Variants in POU4F1 observed in about 807,000 individuals in gnomAD.
The protein encoded by POU4F1 is POU class 4 homeobox 1, also known as POU domain, class 4, transcription factor 1.
Under a neutral mutation model 19.8 loss-of-function variants are expected in POU4F1, and 5 were observed. That is an observed-to-expected ratio of 0.25 (90% confidence interval 0.13 to 0.53). POU4F1 has a LOEUF of 0.53. Ranked by LOEUF, POU4F1 falls within the 20% of genes least tolerant of loss-of-function variation. The pLI is 0.96. For synonymous variants in POU4F1, 266 were observed against 247.7 expected, an observed-to-expected ratio of 1.07 and a Z score of -0.69; for missense variants, 408 against 511.6, an observed-to-expected ratio of 0.80 and a Z score of 1.95.
chr13:78,602,348 C>A lies in POU4F1; in HGVS notation c.327G>T (p.Gln109His). 1 of 1,457,258 alleles carries A rather than the reference C, an allele frequency of 6.9e-7. No individual in the cohort carries two copies. The highest frequency in any genetic ancestry group is 1.3e-5 in the South Asian group (1 of 75,014). The allele number at this position is 1,457,258 out of a possible 1,614,324, so 90.3% of individuals were successfully genotyped here. A position where few individuals can be genotyped will look rare whatever the true frequency, so the allele number is the denominator to read the frequency against. Reference protein sequence around the residue: ...AHHHHHHHHHQALEPGDLLDH... With the variant: ...AHHHHHHHHHHALEPGDLLDH... The stretch of plus-strand genomic sequence containing the variant: ...CCAGCAGATCGCCGGGTTCGAGCGC[C>A]TGGTGGTGGTGGTGGTGGTGGTGGT... Residue 109 changes from glutamine (Q) to histidine (H), a missense_variant, in exon 2 of 2, where the codon CAG (glutamine) becomes CAT (histidine). This residue lies in a region of POU4F1 where 294 missense variants were observed against 288.2 expected (regional missense o/e 1.02). Transcript: ENST00000377208.
intron 1 of POU4F1, 88 bp downstream of exon 1, chr13:78,603,116 C>A: frequency 4.6e-6 from 5 of 1,087,494 alleles, no homozygotes; most frequent in South Asian, 2.2e-5. Context: ...CGCACCGGGA[C>A]CTGCACACAC....
rs570767813 is a variant in POU4F1 at position 78,602,297 on chromosome 13, C to T, written c.378G>A (p.Ala126=). 7.6e-5 allele frequency: 95 copies of T among 1,243,528 alleles called. 1 individual carries two copies. The highest frequency in any genetic ancestry group is 7.6e-4 in the Middle Eastern group (3 of 3,934). 77.0% of individuals were successfully genotyped at this position (1,243,528 alleles called of 1,614,324 possible). Residue 126 remains alanine (A), a synonymous_variant, in exon 2 of 2, where the codon GCG becomes GCA. Transcript: ENST00000377208. ...CCGCGCCGCCCGCGCCGGCCATGAG[C>T]GCGAGCGACGGCGAGGAGATGTGGT... ...LLDHISSPSL[A]LMAGAGGAGA...
chr13:78,603,170 G>A, intron 1 of POU4F1, 34 bp downstream of exon 1: 1 of 1,330,228 alleles, frequency 7.5e-7, no homozygotes, highest in Non-Finnish European at 9.7e-7. Context: ...AGGGGCGGGC[G>A]CGCGGGCCGG....
rs1874599023 is a variant in POU4F1 at position 78,599,124 on chromosome 13, C to G, written c.*2291G>C. On this transcript the variant is annotated 3_prime_UTR_variant, in exon 2 of 2. Coordinates refer to ENST00000377208, the MANE Select transcript of POU4F1 (RefSeq NM_006237.4). ...TTGGTTGTTTGTTGAAAGGTTCTAC[C>G]AGGACCTGGCCCAGTATAAACACAA... is the stretch of plus-strand genomic sequence containing the variant. 1 of 152,358 alleles carries G rather than the reference C, an allele frequency of 6.6e-6. No homozygotes were observed. Among genetic ancestry groups the G allele is most frequent in the Non-Finnish European group, 1.5e-5 (1 of 68,030 alleles). The allele number at this position is 152,358 out of a possible 1,614,324, so 9.4% of individuals were successfully genotyped here.
chr13:78,603,304 TG>T lies in POU4F1; in HGVS notation c.22del (p.Gln8SerfsTer78). The T allele has an allele frequency of 6.3e-7, 1 of 1,580,960 alleles. No individual in the cohort carries two copies. Among genetic ancestry groups the T allele is most frequent in the African/African-American group, 1.4e-5 (1 of 71,186 alleles). ...GGTGGGATGCATGGCAAAGTGAGGC[TG>T]CTTGCTGTTCATGGACATCATCGTG... Reference protein sequence around the residue: MMSMNSKQPHFAMHPTLP... With the variant: MMSMNSKXPHFAMHPTLP... On this transcript the variant is annotated frameshift_variant, in exon 1 of 2. Coordinates refer to ENST00000377208, the MANE Select transcript of POU4F1 (RefSeq NM_006237.4). LOFTEE classifies it high-confidence loss of function.
chr13:78,603,160 AG>A, intron 1 of POU4F1, 43 bp downstream of exon 1: 12 of 1,300,040 alleles, frequency 9.2e-6, no homozygotes, highest in Non-Finnish European at 1.2e-5. Flanking sequence ...GGAGACGGGG[AG>A]GGGCGGGCGC....
intron 1 of POU4F1, among the ~76,000 whole-genome samples, 172 bp from the exon 2 acceptor site, chr13:78,602,723 G>C (rs1331453696): frequency 6.9e-6 from 1 of 145,500 alleles, no homozygotes; most frequent in East Asian, 2.1e-4. Context: ...ACGGAGAGGG[G>C]GCACATTGAC....
At position 78,601,060 on chromosome 13, in the gene POU4F1, T is replaced by A; in HGVS notation, c.*355A>T. On this transcript the variant is annotated 3_prime_UTR_variant, in exon 2 of 2. Transcript: ENST00000377208. ...TGTCTCTGGTCAGAAACAGTCCATT[T>A]TCCTACCCTTCCCGCGTCTCCCCCC... The A allele has an allele frequency of 3.2e-6, 1 of 311,852 alleles. No homozygotes were observed. Among genetic ancestry groups the A allele is most frequent in the South Asian group, 4.3e-5 (1 of 23,020 alleles). 19.3% of individuals were successfully genotyped at this position (311,852 alleles called of 1,614,324 possible). A position where few individuals can be genotyped will look rare whatever the true frequency, so the allele number is the denominator to read the frequency against.
Position 78,602,030 on chromosome 13 carries a change from C to A in POU4F1, c.645G>T (p.Pro215=), listed in dbSNP as rs1874719736. Residue 215 remains proline (P), a synonymous_variant, in exon 2 of 2, where the codon CCG becomes CCT. Coordinates refer to ENST00000377208, the MANE Select transcript of POU4F1 (RefSeq NM_006237.4). The stretch of plus-strand genomic sequence containing the variant: ...CCGCCGCCGCCACCAGCCCGGGGTG[C>A]GGCAGCCCGGACGGCATGTTCATGG... ...AAAMNMPSGL[P]HPGLVAAAAH... 2 of 710,266 alleles carry A rather than the reference C, an allele frequency of 2.8e-6. No individual in the cohort carries two copies. The highest frequency in any genetic ancestry group is 6.0e-5 in the South Asian group (1 of 16,560). The allele number at this position is 710,266 out of a possible 1,614,324, so 44.0% of individuals were successfully genotyped here.
At position 78,601,679 on chromosome 13, in the gene POU4F1, C is replaced by A. The variant is rs1185987234; in HGVS notation, c.996G>T (p.Trp332Cys). 1 of 1,613,912 alleles carries A rather than the reference C, an allele frequency of 6.2e-7. No individual in the cohort carries two copies. The highest frequency in any genetic ancestry group is 8.5e-7 in the Non-Finnish European group (1 of 1,179,952). The change falls in exon 2 of 2, where the codon TGG becomes TGT. Residue 332 changes from tryptophan to cysteine, a missense_variant. Transcript: ENST00000377208. ...MIALKPILQA[W>C]LEEAEGAQRE... ...GCTGGGCGCCCTCGGCCTCCTCGAG[C>A]CACGCCTGCAGGATGGGCTTGAGCG...
At chr13:78,602,582 C>G in intron 1 of POU4F1, 31 bp from the exon 2 acceptor site, 1 of 1,405,182 alleles carries the variant, frequency 7.1e-7, no homozygotes. Context: ...ACCAAAAAAA[C>G]CACAAAACCA....
At position 78,603,458 on chromosome 13, in the gene POU4F1, G is replaced by GGCTGCT. The variant is rs1029794341; in HGVS notation, c.-138_-133dup. ...GGCGGCTGGCGGCGGCCCCGCCGCG[G>GGCTGCT]GCTGCTGCTGCTGCTCCTGCTGCTG... On this transcript the variant is annotated 5_prime_UTR_variant, in exon 1 of 2. Coordinates refer to ENST00000377208, the MANE Select transcript of POU4F1 (RefSeq NM_006237.4). 3.1e-6 allele frequency: 4 copies of GGCTGCT among 1,284,700 alleles called. No homozygotes were observed. The highest frequency in any genetic ancestry group is 3.9e-6 in the Non-Finnish European group (4 of 1,013,124). 79.6% of individuals were successfully genotyped at this position (1,284,700 alleles called of 1,614,324 possible).
Position 78,601,985 on chromosome 13 carries a change from C to A in POU4F1, c.690G>T (p.Ala230=), listed in dbSNP as rs1175356776. ...VAAAAHHGAA[A]AAAAAAAGQV... ...GCCCGGCCGCCGCCGCCGCCGCTGC[C>A]GCTGCCGCGCCGTGGTGCGCCGCCG... Residue 230 remains alanine (A), a synonymous_variant, in exon 2 of 2, where the codon GCG becomes GCT. Coordinates refer to ENST00000377208, the MANE Select transcript of POU4F1 (RefSeq NM_006237.4). The A allele has an allele frequency of 1.3e-5, 13 of 985,202 alleles. No homozygotes were observed. The highest frequency in any genetic ancestry group is 1.6e-5 in the Non-Finnish European group (13 of 825,958). The allele number at this position is 985,202 out of a possible 1,614,324, so 61.0% of individuals were successfully genotyped here. A position where few individuals can be genotyped will look rare whatever the true frequency, so the allele number is the denominator to read the frequency against.
At position 78,600,900 on chromosome 13, in the gene POU4F1, GAGTTA is replaced by G. The variant is rs1277179827; in HGVS notation, c.*510_*514del. On this transcript the variant is annotated 3_prime_UTR_variant, in exon 2 of 2. Coordinates refer to ENST00000377208, the MANE Select transcript of POU4F1 (RefSeq NM_006237.4). ...TGAAGTTGCAGATTATGGCTCCCCGGAGTTAAAATTTCTAAAGCATTTTCCTTTGC... is the reference window on the plus strand; with the variant it reads ...TGAAGTTGCAGATTATGGCTCCCCGGAAATTTCTAAAGCATTTTCCTTTGC... 1 of 156,156 alleles carries G rather than the reference GAGTTA, an allele frequency of 6.4e-6. No homozygotes were observed. Among genetic ancestry groups the G allele is most frequent in the East Asian group, 1.9e-4 (1 of 5,228 alleles). 9.7% of individuals were successfully genotyped at this position (156,156 alleles called of 1,614,324 possible). A position where few individuals can be genotyped will look rare whatever the true frequency, so the allele number is the denominator to read the frequency against.
rs774671176 is a variant in POU4F1, at chr13:78,603,363, A to G, written c.-37T>C. 11 of 1,549,960 alleles carry G rather than the reference A, an allele frequency of 7.1e-6. No individual in the cohort carries two copies. The highest frequency in any genetic ancestry group is 5.7e-5 in the Admixed American group (3 of 52,332). On this transcript the variant is annotated 5_prime_UTR_variant, in exon 1 of 2. Transcript: ENST00000377208. ...GGCATGTATATCCACAAACACTCCG[A>G]AAGTCCGCGGGAAAGTGCGTACGCC...
chr13:78,603,312 G>C lies in POU4F1; in HGVS notation c.15C>G (p.Asn5Lys). The part of the protein sequence containing the change: MMSM[N>K]SKQPHFAMHP... ...GCATGGCAAAGTGAGGCTGCTTGCT[G>C]TTCATGGACATCATCGTGGCGGCTT... Residue 5 changes from asparagine (N) to lysine (K), a missense_variant, in exon 1 of 2, where the codon AAC becomes AAG. Asn to Lys is a moderately conservative substitution (Grantham distance 94). Around this residue, in one of 4 missense-constraint regions of POU4F1, gnomAD observed 294 missense variants for 288.2 expected, o/e 1.02. Coordinates refer to ENST00000377208, the MANE Select transcript of POU4F1 (RefSeq NM_006237.4). The C allele has an allele frequency of 6.3e-7, 1 of 1,580,392 alleles. No individual in the cohort carries two copies. Among genetic ancestry groups the C allele is most frequent in the East Asian group, 2.5e-5 (1 of 40,328 alleles).
rs1874796299 is a variant in POU4F1 at position 78,603,470 on chromosome 13, T to C, written c.-144A>G. The stretch of plus-strand genomic sequence containing the variant: ...CGGCCCCGCCGCGGGCTGCTGCTGC[T>C]GCTCCTGCTGCTGCCAGGCGCTCCC... On this transcript the variant is annotated 5_prime_UTR_variant, in exon 1 of 2. Transcript: ENST00000377208. 3 of 1,223,972 alleles carry C rather than the reference T, an allele frequency of 2.5e-6. No homozygotes were observed. Among genetic ancestry groups the C allele is most frequent in the South Asian group, 5.4e-5 (2 of 36,798 alleles). The allele number at this position is 1,223,972 out of a possible 1,614,324, so 75.8% of individuals were successfully genotyped here.
At position 78,601,920 on chromosome 13, in the gene POU4F1, GCGCCCACCA is replaced by G; in HGVS notation, c.746_754del (p.Val249_Gly251del). The G allele has an allele frequency of 7.3e-7, 1 of 1,362,480 alleles. No individual in the cohort carries two copies. The allele number at this position is 1,362,480 out of a possible 1,614,324, so 84.4% of individuals were successfully genotyped here. A position where few individuals can be genotyped will look rare whatever the true frequency, so the allele number is the denominator to read the frequency against. On this transcript the variant is annotated inframe_deletion, in exon 2 of 2. Coordinates refer to ENST00000377208, the MANE Select transcript of POU4F1 (RefSeq NM_006237.4). ...GTCGCAGATGGACGCCAGGCCCGCT[GCGCCCACCA>G]CGGCCGCCGCCGCCGATGCCGCTGC...
Position 78,601,088 on chromosome 13 carries a change from C to T in POU4F1, c.*327G>A. ...CTACCCTTCCCGCGTCTCCCCCCAC[C>T]CAAACCCCAGAACCATCCTGCTCCT... On this transcript the variant is annotated 3_prime_UTR_variant, in exon 2 of 2. Transcript: ENST00000377208. 4 of 348,616 alleles carry T rather than the reference C, an allele frequency of 1.1e-5. No homozygotes were observed. In the South Asian group the frequency reaches 1.6e-4, roughly 14 times the overall value. The allele number at this position is 348,616 out of a possible 1,614,324, so 21.6% of individuals were successfully genotyped here.
Sources: allele counts gnomAD v4.1 joint callset (sites outside exome capture counted in the v4.1 genomes callset), GRCh38; gene constraint gnomAD v4.1.1; regional missense constraint gnomAD v4.1.1; transcripts MANE v1.5; gene names NCBI Gene and HGNC (gene_info 2026-07-23, HGNC 2026-07-21).